FADS3: variants seen among roughly 807,000 people sequenced by gnomAD.
FADS3 encodes cytochrome b5-related protein.
FADS3 carries 30 observed loss-of-function variants against 60.4 expected under a neutral mutation model. The ratio of observed to expected loss-of-function variants is 0.50; its 90% CI spans 0.37 to 0.67. FADS3 has a LOEUF of 0.67. FADS3 is among the 30% of genes least tolerant of loss of function. The pLI is 0.00. For missense variants in FADS3, 432 were observed against 598.3 expected, an observed-to-expected ratio of 0.72 and a Z score of 2.90; for synonymous variants, 234 against 249.3, an observed-to-expected ratio of 0.94 and a Z score of 0.58.
At chr11:61,884,138 G>C (rs1391161295) in intron 1 of FADS3, among the ~76,000 whole-genome samples, 1 of 152,186 alleles carries the variant, frequency 6.6e-6, no homozygotes, top group South Asian at 2.1e-4. Flanking sequence ...GGATGGGGGT[G>C]CCAGGCAGAA....
At chr11:61,884,446 T>G (rs529790519) in intron 1 of FADS3, among the ~76,000 whole-genome samples, 1 of 152,370 alleles carries the variant, frequency 6.6e-6, no homozygotes, top group African/African-American at 2.4e-5. Flanking sequence ...CTGCACATTC[T>G]GCACGTTTCC....
chr11:61,891,298 G>T lies in FADS3; in HGVS notation c.84C>A (p.Ile28=). 2.0e-6 allele frequency: 3 copies of T among 1,533,820 alleles called. No individual in the cohort carries two copies. The highest frequency in any genetic ancestry group is 2.6e-6 in the Non-Finnish European group (3 of 1,144,852). ...TGTCGCCGGGCTGGTCGTGCGCGCG[G>T]ATCTGCTCCCAGCAGAAGGTGGGCA... is the stretch of plus-strand genomic sequence containing the variant. ...APLPTFCWEQ[I]RAHDQPGDKW... Residue 28 remains isoleucine, a synonymous_variant, in exon 1 of 12, where the codon ATC becomes ATA. Coordinates refer to ENST00000278829, the MANE Select transcript of FADS3 (RefSeq NM_021727.5).
chr11:61,883,230 G>A (rs980176339), intron 1 of FADS3, among the ~76,000 whole-genome samples: 3 of 151,868 alleles, frequency 2.0e-5, no homozygotes, highest in Non-Finnish European at 2.9e-5. Context: ...CCCCTGCCCC[G>A]GCAACCACCA....
chr11:61,892,039 A>G (rs1207861880), upstream of FADS3: 6 of 151,756 alleles, frequency 4.0e-5, no homozygotes, highest in South Asian at 6.3e-4. Flanking sequence ...ATGGGCCCCA[A>G]TCTCTGCGGG....
At position 61,879,425 on chromosome 11, in the gene FADS3, A is replaced by T; in HGVS notation, c.409T>A (p.Phe137Ile). ...ATGGCCAGGATGTGGCCCAGTAGGA[A>T]AGCAAAGAAGGTGGGACTGGCATCA... is the stretch of plus-strand genomic sequence containing the variant. ...LFDASPTFFA[F>I]LLGHILAMEV... Residue 137 changes from phenylalanine to isoleucine, a missense_variant, in exon 3 of 12, where the codon TTC (phenylalanine) becomes ATC (isoleucine). Transcript: ENST00000278829. The T allele has an allele frequency of 6.2e-7, 1 of 1,604,542 alleles. No homozygotes were observed. The highest frequency in any genetic ancestry group is 8.5e-7 in the Non-Finnish European group (1 of 1,176,376).
chr11:61,891,646 T>C (rs1288071156), upstream of FADS3: 1 of 154,638 alleles, frequency 6.5e-6, no homozygotes, highest in Non-Finnish European at 1.4e-5. Flanking sequence ...CAAGGCTGGC[T>C]GACCCCCCGC....
At chr11:61,881,473 T>C (rs1334664862) in intron 1 of FADS3, 1 of 152,238 alleles carries the variant, frequency 6.6e-6, no homozygotes, top group East Asian at 1.9e-4. Flanking sequence ...TTTCAGAGGC[T>C]TTCTCTGAAT....
intron 1 of FADS3, among the ~76,000 whole-genome samples, chr11:61,888,256 C>G (rs1356198030): frequency 6.6e-6 from 1 of 152,242 alleles, no homozygotes; most frequent in African/African-American, 2.4e-5. Flanking sequence ...ATTGCCTGGA[C>G]TTGAGAACAG....
rs1204806408 is a variant in FADS3, at chr11:61,879,371, G to C, written c.463C>G (p.Leu155Val). 1.3e-6 allele frequency: 2 copies of C among 1,568,934 alleles called. No homozygotes were observed. Among genetic ancestry groups the C allele is most frequent in the Non-Finnish European group, 1.7e-6 (2 of 1,157,020 alleles). The change falls in exon 3 of 12, where the codon CTC becomes GTC. Residue 155 changes from leucine (L) to valine (V), a missense_variant. Transcript: ENST00000278829. Reference protein sequence around the residue: ...MEVLAWLLIYLLGPGWVPSAL... With the variant: ...MEVLAWLLIYVLGPGWVPSAL... ...CTGGGCACCCAGCCAGGACCCAGGA[G>C]GTAGATAAGGAGCCAGGCCAGCACC... is the stretch of plus-strand genomic sequence containing the variant.
rs749389381 is a variant in FADS3, at chr11:61,876,094, C to T, written c.1160+17G>A. The T allele has an allele frequency of 6.2e-7, 1 of 1,609,294 alleles. No individual in the cohort carries two copies. The highest frequency in any genetic ancestry group is 1.7e-5 in the Admixed American group (1 of 59,432). ...CCCCCTCCCCACCTCCCACTGGCCCCCAGCACCCACACTCACTGGTGCTCG... is the reference window on the plus strand; with the variant it reads ...CCCCCTCCCCACCTCCCACTGGCCCTCAGCACCCACACTCACTGGTGCTCG... On this transcript the variant is annotated intron_variant, in intron 10 of 11. Transcript: ENST00000278829. The surrounding 1 kb of genome is among the most constrained non-coding windows in gnomAD (Gnocchi z 5.7).
chr11:61,889,586 G>A (rs1014296711), intron 1 of FADS3, among the ~76,000 whole-genome samples: 1 of 152,048 alleles, frequency 6.6e-6, no homozygotes, highest in Non-Finnish European at 1.5e-5. Context: ...GGCGGAGGTT[G>A]CAGTGAGCCA....
upstream of FADS3, chr11:61,891,592 C>G (rs1289186234): frequency 1.0e-5 from 2 of 200,468 alleles, no homozygotes; most frequent in East Asian, 2.8e-4. Context: ...ACGGCGCCCG[C>G]CTCGCCTCGC....
At position 61,876,195 on chromosome 11, in the gene FADS3, C is replaced by T. The variant is rs991602177; in HGVS notation, c.1081-5G>A. On this transcript the variant is annotated splice_region_variant and splice_polypyrimidine_tract_variant and intron_variant, in intron 9 of 11. Transcript: ENST00000278829. This position sits in a 1 kb window ranked among gnomAD's most constrained non-coding sequence, Gnocchi z 5.7. ...CACGTTGCAGGTGGCTGCCAGCTGCCGGAAGCCGGCGGGGCACATGTGAGG... is the reference window on the plus strand; with the variant it reads ...CACGTTGCAGGTGGCTGCCAGCTGCTGGAAGCCGGCGGGGCACATGTGAGG... The T allele has an allele frequency of 9.4e-6, 15 of 1,592,172 alleles. No homozygotes were observed. Among genetic ancestry groups the T allele is most frequent in the African/African-American group, 1.3e-5 (1 of 74,496 alleles).
chr11:61,891,606 C>T (rs906458057), upstream of FADS3: 5 of 180,382 alleles, frequency 2.8e-5, no homozygotes, highest in Non-Finnish European at 5.7e-5. Flanking sequence ...GCCTCGCCTG[C>T]CCCCCCGCCC....
chr11:61,875,829 AG>A (rs779277577), intron 11 of FADS3, 21 bp downstream of exon 11: 6 of 1,608,388 alleles, frequency 3.7e-6, no homozygotes, highest in Admixed American at 3.3e-5. Context: ...ACCAGAACAG[AG>A]GGGCCGGGCT....
Position 61,873,883 on chromosome 11 carries a change from C to T in FADS3, c.1287-18G>A, listed in dbSNP as rs370423175. 5.9e-6 allele frequency: 9 copies of T among 1,535,430 alleles called. No individual in the cohort carries two copies. The highest frequency in any genetic ancestry group is 8.0e-6 in the Non-Finnish European group (9 of 1,127,440). Reference sequence around the variant, plus strand: ...TCAGGGACCTGGGAGGTGGGGGTGGCAGTGGGGGTGGGTGTTAGGAGCTCA... The same window carrying T: ...TCAGGGACCTGGGAGGTGGGGGTGGTAGTGGGGGTGGGTGTTAGGAGCTCA... On this transcript the variant is annotated intron_variant, in intron 11 of 11. Transcript: ENST00000278829.
At chr11:61,886,297 C>T (rs1938314971) in intron 1 of FADS3, 1 of 152,244 alleles carries the variant, frequency 6.6e-6, no homozygotes, top group Non-Finnish European at 1.5e-5. Flanking sequence ...CATCAGAAAC[C>T]CGCAGGAAGA....
intron 1 of FADS3, among the ~76,000 whole-genome samples, chr11:61,890,026 C>T (rs1938444227): frequency 6.6e-6 from 1 of 152,160 alleles, no homozygotes; most frequent in South Asian, 2.1e-4. Context: ...AACACCTGCA[C>T]GCTCAAATAC....
chr11:61,876,505 C>G lies in FADS3; in HGVS notation c.984-50G>C. On this transcript the variant is annotated intron_variant, in intron 8 of 11. Coordinates refer to ENST00000278829, the MANE Select transcript of FADS3 (RefSeq NM_021727.5). The surrounding 1 kb of genome is among the most constrained non-coding windows in gnomAD (Gnocchi z 5.7). ...CTAGGTCCAGCTCACCACTTAGGCACCCTGAGTGGAGGCTGGAGAGCAGCT... is the reference window on the plus strand; with the variant it reads ...CTAGGTCCAGCTCACCACTTAGGCAGCCTGAGTGGAGGCTGGAGAGCAGCT... 2 of 1,449,148 alleles carry G rather than the reference C, an allele frequency of 1.4e-6. No homozygotes were observed. Among genetic ancestry groups the G allele is most frequent in the Non-Finnish European group, 1.9e-6 (2 of 1,031,410 alleles). The allele number at this position is 1,449,148 out of a possible 1,614,324, so 89.8% of individuals were successfully genotyped here. A position where few individuals can be genotyped will look rare whatever the true frequency, so the allele number is the denominator to read the frequency against.
Sources: gnomAD v4.1 joint callset for allele counts (sites outside exome capture counted in the v4.1 genomes callset) on GRCh38, gnomAD v4.1.1 for gene constraint, Gnocchi (gnomAD v3.1) non-coding constraint, MANE v1.5 for transcripts, NCBI Gene and HGNC (gene_info 2026-07-23, HGNC 2026-07-21) for gene names.